The following SNX29 variants were observed in gnomAD, a reference collection of about 807,000 sequenced individuals.
SNX29 encodes sorting nexin-29.
SNX29 carries 78 observed loss-of-function variants against 102.1 expected under a neutral mutation model. The ratio of observed to expected loss-of-function variants is 0.76; its 90% CI spans 0.64 to 0.92. The LOEUF is 0.92. Ranked by LOEUF, SNX29 falls within the 40% of genes least tolerant of loss-of-function variation. The probability of loss-of-function intolerance (pLI) is 0.00; values close to 1 mark genes in which losing one functional copy is unlikely to be tolerated. For missense variants in SNX29, 1,280 were observed against 1,061.7 expected, an observed-to-expected ratio of 1.21 and a Z score of -2.86; for synonymous variants, 580 against 414.5, an observed-to-expected ratio of 1.40 and a Z score of -4.85.
intron 16 of SNX29, among the ~76,000 whole-genome samples, chr16:12,369,782 C>G (rs913923922): frequency 1.8e-4 from 27 of 152,236 alleles, no homozygotes; most frequent in African/African-American, 6.3e-4. Context: ...AGTCTTCTAA[C>G]TAAATACATT....
At chr16:12,390,794 A>G (rs1275492079) in intron 16 of SNX29, among the ~76,000 whole-genome samples, 1 of 151,932 alleles carries the variant, frequency 6.6e-6, no homozygotes, top group Non-Finnish European at 1.5e-5. Flanking sequence ...GAGGGAAGTA[A>G]GGCCCAGAGA....
At chr16:12,183,898 G>C (rs749758025) in intron 13 of SNX29, among the ~76,000 whole-genome samples, 7 of 152,226 alleles carry the variant, frequency 4.6e-5, no homozygotes, top group Non-Finnish European at 1.0e-4. Flanking sequence ...CTAGTGCCAT[G>C]ACAGTTTACA....
rs1034112800 is a variant in SNX29, at chr16:12,571,647, C to G, written c.*3018C>G. ...CTTTTTTTCTCCCCCAGATGAAAGA[C>G]GACTCAGGAACGGTAGGGCTGGGCA... On this transcript the variant is annotated 3_prime_UTR_variant, in exon 21 of 21. Transcript: ENST00000566228. 6 of 1,058,518 alleles carry G rather than the reference C, an allele frequency of 5.7e-6. No homozygotes were observed. Among genetic ancestry groups the G allele is most frequent in the Admixed American group, 5.4e-5 (1 of 18,502 alleles). The allele number at this position is 1,058,518 out of a possible 1,614,324, so 65.6% of individuals were successfully genotyped here.
intron 18 of SNX29, among the ~76,000 whole-genome samples, chr16:12,437,169 G>C (rs1183325956): frequency 1.3e-5 from 2 of 152,198 alleles, no homozygotes; most frequent in Non-Finnish European, 2.9e-5. Context: ...AATTTTTCAG[G>C]GTAGCCCAAA....
intron 14 of SNX29, among the ~76,000 whole-genome samples, chr16:12,277,033 A>C (rs1013099681): frequency 1.3e-5 from 2 of 152,194 alleles, no homozygotes; most frequent in Non-Finnish European, 2.9e-5. Flanking sequence ...GCTGGCTGTC[A>C]GCAGGCCCTA....
intron 3 of SNX29, among the ~76,000 whole-genome samples, chr16:12,025,115 G>A (rs972765432): frequency 7.9e-5 from 12 of 151,942 alleles, no homozygotes; most frequent in South Asian, 6.3e-4. Flanking sequence ...CAGCCTGGCC[G>A]ACATGGTGAA....
chr16:12,425,654 G>T (rs1416753054), intron 18 of SNX29, among the ~76,000 whole-genome samples: 1 of 151,868 alleles, frequency 6.6e-6, no homozygotes, highest in Non-Finnish European at 1.5e-5. Flanking sequence ...GACGTATCTG[G>T]TTTAAATCCC....
In SNX29 at chr16:12,078,914, T is replaced by C. The variant is rs766872497; in HGVS notation, c.1401T>C (p.Ile467=). The C allele has an allele frequency of 6.3e-6, 10 of 1,599,686 alleles. No individual in the cohort carries two copies. The highest frequency in any genetic ancestry group is 1.1e-5 in the South Asian group (1 of 88,156). ...CCTCAGTGCCAGAGTCCATGACAAT[T>C]AGTAAGTACTTTCGCAGCCCCCTCC... The part of the protein sequence containing the change: ...PSASVPESMT[I]SELRQATVAM... Residue 467 remains isoleucine (I), a splice_region_variant and synonymous_variant, in exon 11 of 21, where the codon ATT becomes ATC. Coordinates refer to ENST00000566228, the MANE Select transcript of SNX29 (RefSeq NM_032167.5).
chr16:12,063,721 C>T (rs2050891524), intron 9 of SNX29, among the ~76,000 whole-genome samples: 1 of 151,838 alleles, frequency 6.6e-6, no homozygotes, highest in Non-Finnish European at 1.5e-5. Context: ...TCATGCCCTC[C>T]TTGGCCCACA....
intron 20 of SNX29, chr16:12,526,553 C>G (rs1162237742): frequency 9.5e-6 from 5 of 526,666 alleles, no homozygotes; most frequent in Non-Finnish European, 1.9e-5. Flanking sequence ...ATGCCAGGGA[C>G]TGGATCTCAC....
At chr16:12,230,974 G>A (rs2142197202) in intron 14 of SNX29, among the ~76,000 whole-genome samples, 1 of 152,122 alleles carries the variant, frequency 6.6e-6, no homozygotes, top group South Asian at 2.1e-4. Flanking sequence ...AGCCTCCCGA[G>A]TAGCTGGGAC....
chr16:12,561,624 G>C (rs1303491786), intron 20 of SNX29, among the ~76,000 whole-genome samples: 2 of 152,184 alleles, frequency 1.3e-5, no homozygotes, highest in African/African-American at 2.4e-5. Flanking sequence ...TGTACCCCAA[G>C]AGGCTTATTA....
chr16:12,445,200 T>A (rs555755901), intron 18 of SNX29, among the ~76,000 whole-genome samples: 1 of 152,194 alleles, frequency 6.6e-6, no homozygotes, highest in African/African-American at 2.4e-5. Context: ...TGCAGCCATG[T>A]CCATTCATTA....
chr16:12,280,857 T>TA (rs1423224340), intron 15 of SNX29, among the ~76,000 whole-genome samples: 1 of 152,206 alleles, frequency 6.6e-6, no homozygotes, highest in Non-Finnish European at 1.5e-5. Flanking sequence ...GAAAAGTTGA[T>TA]ATAGTTTCTT....
Position 12,192,655 on chromosome 16 carries a change from G to A in SNX29, c.1596-6946G>A, listed in dbSNP as rs543740176. On this transcript the variant is annotated intron_variant, in intron 13 of 20. Coordinates refer to ENST00000566228, the MANE Select transcript of SNX29 (RefSeq NM_032167.5). ...GCCTCTGGAGAAGCTGGGACTACAG[G>A]CACATGTCACCGTGTCCAGCTAATT... Among the ~76,000 whole-genome samples the A allele has an allele frequency of 5.9e-5, 9 of 152,100 alleles. No individual in the cohort carries two copies. The East Asian group carries it at 9.6e-4, about 16-fold the overall frequency.
chr16:12,140,753 C>T (rs948104828), intron 13 of SNX29, among the ~76,000 whole-genome samples: 2 of 152,164 alleles, frequency 1.3e-5, no homozygotes, highest in South Asian at 2.1e-4. Flanking sequence ...TTGTGCTTTT[C>T]CTTGGCTAGA....
At chr16:12,070,127 G>T (rs535257284) in intron 10 of SNX29, among the ~76,000 whole-genome samples, 1 of 152,104 alleles carries the variant, frequency 6.6e-6, no homozygotes, top group African/African-American at 2.4e-5. Context: ...TTTTCTTTTT[G>T]TTTTTTCAAA....
chr16:12,546,464 C>G (rs2077611603), intron 20 of SNX29: 1 of 152,170 alleles, frequency 6.6e-6, no homozygotes, highest in Non-Finnish European at 1.5e-5. Context: ...ATGAAACCAT[C>G]ACATTCACTG....
In SNX29 at chr16:12,572,301, C is replaced by A. The variant is rs537929482; in HGVS notation, c.*3672C>A. The A allele has an allele frequency of 1.1e-6, 1 of 911,646 alleles. No individual in the cohort carries two copies. The highest frequency in any genetic ancestry group is 1.2e-6 in the Non-Finnish European group (1 of 810,230). 56.5% of individuals were successfully genotyped at this position (911,646 alleles called of 1,614,324 possible). On this transcript the variant is annotated 3_prime_UTR_variant, in exon 21 of 21. Transcript: ENST00000566228. The stretch of plus-strand genomic sequence containing the variant: ...TAACAAGTACTGGGGCCAGTGATCA[C>A]AATCCAGGTTGGAAACAGGAGTGAA...
Sources: allele counts gnomAD v4.1 joint callset (sites outside exome capture counted in the v4.1 genomes callset), GRCh38; gene constraint gnomAD v4.1.1; transcripts MANE v1.5; gene names NCBI Gene and HGNC (gene_info 2026-07-23, HGNC 2026-07-21).